Variants in CABLES1 observed in about 807,000 individuals in gnomAD.
CABLES1 encodes the protein Cdk5 and Abl enzyme substrate 1.
Under a neutral mutation model 57.8 loss-of-function variants are expected in CABLES1, and 36 were observed. The ratio of observed to expected loss-of-function variants is 0.62; its 90% CI spans 0.48 to 0.82. The LOEUF (loss-of-function observed/expected upper bound fraction) is 0.82, where lower values mean the gene tolerates loss of function less well. Ranked by LOEUF, CABLES1 falls within the 40% of genes least tolerant of loss-of-function variation. CABLES1 has a pLI of 0.00. For missense variants in CABLES1, 767 were observed against 836.6 expected, an observed-to-expected ratio of 0.92 and a Z score of 1.03; for synonymous variants, 374 against 363.0, an observed-to-expected ratio of 1.03 and a Z score of -0.35.
chr18:23,167,642 C>G (rs1194787492), intron 1 of CABLES1, among the ~76,000 whole-genome samples: 8 of 150,496 alleles, frequency 5.3e-5, no homozygotes, highest in Non-Finnish European at 1.0e-4. Context: ...CTAGGGAGCT[C>G]TAAATCAAGA....
At chr18:23,223,660 TC>T (rs562855120) in intron 4 of CABLES1, among the ~76,000 whole-genome samples, 128 of 151,244 alleles carry the variant, frequency 8.5e-4, no homozygotes, top group Middle Eastern at 3.4e-3. Flanking sequence ...CTCTATCCTG[TC>T]CCTGGAGCCC....
chr18:23,194,548 A>AT lies in CABLES1; in HGVS notation c.1010+10dup. The AT allele has an allele frequency of 6.3e-7, 1 of 1,583,178 alleles. No individual in the cohort carries two copies. Among genetic ancestry groups the AT allele is most frequent in the Non-Finnish European group, 8.7e-7 (1 of 1,151,914 alleles). On this transcript the variant is annotated intron_variant, in intron 3 of 9. Coordinates refer to ENST00000256925, the MANE Select transcript of CABLES1 (RefSeq NM_001100619.3). ...CGATACCAGGAATGGCAGGTACTAC[A>AT]TTCACACAGAAGCGGCTGCCAGCAC...
At chr18:23,167,218 TA>T (rs535741240) in intron 1 of CABLES1, among the ~76,000 whole-genome samples, 1,729 of 150,668 alleles carry the variant, frequency 0.011, 19 homozygotes, top group Non-Finnish European at 0.016. Context: ...TTATTAAATT[TA>T]AAAAAAAAAT....
intron 3 of CABLES1, chr18:23,197,871 T>A (rs761094474): frequency 2.6e-5 from 4 of 152,208 alleles, no homozygotes; most frequent in Non-Finnish European, 5.9e-5. Context: ...GGTTGGAGCA[T>A]ATTTCCAGAA....
intron 4 of CABLES1, among the ~76,000 whole-genome samples, chr18:23,220,937 T>C (rs1279074800): frequency 6.6e-6 from 1 of 152,078 alleles, no homozygotes; most frequent in East Asian, 1.9e-4. Context: ...CTGGTGTCTG[T>C]ATGGTGTTGA....
intron 6 of CABLES1, 98 bp from the exon 7 acceptor site, chr18:23,237,044 T>C (rs2047623030): frequency 3.8e-6 from 3 of 782,724 alleles, no homozygotes; most frequent in African/African-American, 3.4e-5. Context: ...AGCCAGCCTT[T>C]CTTCATTCCA....
intron 1 of CABLES1, among the ~76,000 whole-genome samples, chr18:23,151,063 G>T (rs1234581175): frequency 6.8e-6 from 1 of 147,184 alleles, no homozygotes; most frequent in Non-Finnish European, 1.5e-5. Flanking sequence ...CTGTTGCCCA[G>T]GCTGGAGTGC....
At chr18:23,243,468 G>GTTTTTTTTTT (rs551293348) in intron 7 of CABLES1, among the ~76,000 whole-genome samples, 1 of 101,878 alleles carries the variant, frequency 9.8e-6, no homozygotes. Context: ...TGGGTTTGGT[G>GTTTTTTTTTT]TTTTTTTTTT....
intron 1 of CABLES1, among the ~76,000 whole-genome samples, chr18:23,164,322 G>T (rs2047025653): frequency 6.6e-6 from 1 of 152,172 alleles, no homozygotes; most frequent in African/African-American, 2.4e-5. Flanking sequence ...CCCTCCTCGG[G>T]TCGACGTGGG....
intron 4 of CABLES1, among the ~76,000 whole-genome samples, chr18:23,217,310 T>A (rs1440253005): frequency 6.6e-6 from 1 of 152,194 alleles, no homozygotes; most frequent in Non-Finnish European, 1.5e-5. Context: ...CTCAAACTCC[T>A]GGACTCAAGT....
chr18:23,226,401 C>CAAAA (rs35135711), intron 4 of CABLES1, among the ~76,000 whole-genome samples: 1 of 131,072 alleles, frequency 7.6e-6, no homozygotes, highest in African/African-American at 2.9e-5. Flanking sequence ...GACTTCATCT[C>CAAAA]AAAAAAAAAA....
chr18:23,177,229 C>T (rs540401886), intron 1 of CABLES1, among the ~76,000 whole-genome samples: 11 of 152,096 alleles, frequency 7.2e-5, no homozygotes, highest in Non-Finnish European at 1.2e-4. Context: ...CAGCACAGGC[C>T]ATTGTCAGGC....
At chr18:23,198,475 T>A (rs2047300553) in intron 3 of CABLES1, among the ~76,000 whole-genome samples, 1 of 152,142 alleles carries the variant, frequency 6.6e-6, no homozygotes, top group East Asian at 1.9e-4. Flanking sequence ...CCCTCAGAGA[T>A]ATCCACATCC....
rs2046814927 is a variant in CABLES1, at chr18:23,135,857, C to CGCCGCA, written c.99_104dup (p.Gln38_Pro39dup). 2.0e-6 allele frequency: 2 copies of CGCCGCA among 997,860 alleles called. No homozygotes were observed. The highest frequency in any genetic ancestry group is 2.4e-6 in the Non-Finnish European group (2 of 836,960). 61.8% of individuals were successfully genotyped at this position (997,860 alleles called of 1,614,324 possible). On this transcript the variant is annotated inframe_insertion, in exon 1 of 10. Coordinates refer to ENST00000256925, the MANE Select transcript of CABLES1 (RefSeq NM_001100619.3). Reference sequence around the variant, plus strand: ...GGCGCCAGCGGATTGCAGCAGCCGCCGCCGCAGCCCCAGCCTCAGCCCGCG... The same window carrying CGCCGCA: ...GGCGCCAGCGGATTGCAGCAGCCGCCGCCGCAGCCGCAGCCCCAGCCTCAGCCCGCG...
chr18:23,165,332 A>G (rs2144981745), intron 1 of CABLES1, among the ~76,000 whole-genome samples: 1 of 152,274 alleles, frequency 6.6e-6, no homozygotes, highest in East Asian at 1.9e-4. Flanking sequence ...TCCTGGCCTC[A>G]AGCAGTTCTC....
rs6507533 is a variant in CABLES1 at position 23,206,172 on chromosome 18, C to T, written c.1011-7805C>T. On this transcript the variant is annotated intron_variant, in intron 3 of 9. Coordinates refer to ENST00000256925, the MANE Select transcript of CABLES1 (RefSeq NM_001100619.3). The stretch of plus-strand genomic sequence containing the variant: ...CTCCCTGCCCACCGTCCTCCCGCCC[C>T]GTCCCAGACCCTCCTCGCTCCTCAT... 7.6e-3 allele frequency among the ~76,000 whole-genome samples: 1,157 copies of T among 152,314 alleles called. 15 individuals are homozygous for T. Among genetic ancestry groups the T allele is most frequent in the African/African-American group, 0.026 (1,097 of 41,568 alleles).
At chr18:23,184,308 CGTGTGTGTGTGTGTGTGTGTGT>C (rs61158856) in intron 1 of CABLES1, among the ~76,000 whole-genome samples, 4 of 146,326 alleles carry the variant, frequency 2.7e-5, no homozygotes, top group African/African-American at 1.0e-4. Flanking sequence ...CATACTGGCA[CGTGTGTGTGTGTGTGTGTGTGT>C]GTGTGTGTGT....
intron 4 of CABLES1, among the ~76,000 whole-genome samples, chr18:23,225,974 G>A (rs2047524615): frequency 6.6e-6 from 1 of 152,228 alleles, no homozygotes; most frequent in South Asian, 2.1e-4. Context: ...GCCCTGCAAA[G>A]GAATTTATGG....
chr18:23,137,511 CCT>C (rs947716719), intron 1 of CABLES1, among the ~76,000 whole-genome samples: 3 of 152,100 alleles, frequency 2.0e-5, no homozygotes, highest in African/African-American at 7.2e-5. Flanking sequence ...GTTAATAAGG[CCT>C]CTTGTGAAGT....
Sources: allele counts gnomAD v4.1 joint callset (sites outside exome capture counted in the v4.1 genomes callset), GRCh38; gene constraint gnomAD v4.1.1; transcripts MANE v1.5; gene names NCBI Gene and HGNC (gene_info 2026-07-23, HGNC 2026-07-21).